ATP10B: variants seen among roughly 807,000 people sequenced by gnomAD.
The protein encoded by ATP10B is phospholipid-transporting ATPase VB.
Under a neutral mutation model 141.2 loss-of-function variants are expected in ATP10B, and 122 were observed. The ratio of observed to expected loss-of-function variants is 0.86; its 90% CI spans 0.75 to 1.00. The LOEUF is 1.00. Among genes scored for constraint, ATP10B ranks in the 50% least tolerant of loss-of-function variants. The probability of loss-of-function intolerance (pLI) is 0.00; values close to 1 mark genes in which losing one functional copy is unlikely to be tolerated. For synonymous variants in ATP10B, 685 were observed against 692.0 expected, an observed-to-expected ratio of 0.99 and a Z score of 0.16; for missense variants, 1,876 against 1,825.3, an observed-to-expected ratio of 1.03 and a Z score of -0.51.
At chr5:160,646,498 A>T (rs1336940015) in intron 8 of ATP10B, among the ~76,000 whole-genome samples, 1 of 152,180 alleles carries the variant, frequency 6.6e-6, no homozygotes, top group Non-Finnish European at 1.5e-5. Context: ...TAAATTTTGG[A>T]AAAAGTAAGG....
At chr5:160,812,051 AGAGAGAGAGG>A (rs1222917317) in intron 1 of ATP10B, among the ~76,000 whole-genome samples, 55 of 149,420 alleles carry the variant, frequency 3.7e-4, no homozygotes, top group African/African-American at 1.2e-3. Flanking sequence ...AGAGAGAGAG[AGAGAGAGAGG>A]GAGAGGGAGA....
At chr5:160,595,996 T>G (rs888497260) in intron 22 of ATP10B, among the ~76,000 whole-genome samples, 6 of 152,212 alleles carry the variant, frequency 3.9e-5, no homozygotes, top group African/African-American at 1.4e-4. Flanking sequence ...CTTCTGAAAC[T>G]ATTCCAATCA....
At chr5:160,717,486 G>T (rs1284462800) in intron 2 of ATP10B, among the ~76,000 whole-genome samples, 1 of 152,138 alleles carries the variant, frequency 6.6e-6, no homozygotes, top group Non-Finnish European at 1.5e-5. Flanking sequence ...CCTGCTAAAA[G>T]TTCAAGCCCT....
intron 1 of ATP10B, among the ~76,000 whole-genome samples, chr5:160,836,752 C>T (rs1775459859): frequency 6.6e-6 from 1 of 152,072 alleles, no homozygotes; most frequent in South Asian, 2.1e-4. Context: ...CCACATATTA[C>T]ACCCATGCAT....
intron 24 of ATP10B, among the ~76,000 whole-genome samples, chr5:160,572,382 C>A (rs1354438275): frequency 6.6e-6 from 1 of 152,124 alleles, no homozygotes. Flanking sequence ...GAAATAGATT[C>A]TCTTCCTGCT....
intron 1 of ATP10B, among the ~76,000 whole-genome samples, chr5:160,838,374 C>T (rs1435996984): frequency 1.3e-5 from 2 of 152,198 alleles, no homozygotes; most frequent in East Asian, 3.8e-4. Flanking sequence ...AAAACTTTCA[C>T]AGACAGGCCT....
chr5:160,803,845 A>T (rs2127935834), intron 1 of ATP10B, among the ~76,000 whole-genome samples: 1 of 152,180 alleles, frequency 6.6e-6, no homozygotes, highest in Middle Eastern at 3.4e-3. Flanking sequence ...TTTCCCCATG[A>T]TTTATATTTG....
At chr5:160,781,715 A>G (rs1770726370) in intron 2 of ATP10B, among the ~76,000 whole-genome samples, 3 of 152,224 alleles carry the variant, frequency 2.0e-5, no homozygotes, top group African/African-American at 7.2e-5. Flanking sequence ...AGAATTCAGT[A>G]TAAAGTCACA....
chr5:160,655,726 T>A (rs561165761), intron 7 of ATP10B, among the ~76,000 whole-genome samples: 1 of 152,162 alleles, frequency 6.6e-6, no homozygotes, highest in Non-Finnish European at 1.5e-5. Flanking sequence ...CAGTCCTAGA[T>A]CCCACATTGG....
chr5:160,672,433 G>C (rs11135109), intron 6 of ATP10B, among the ~76,000 whole-genome samples: 3 of 152,010 alleles, frequency 2.0e-5, no homozygotes, highest in Admixed American at 2.0e-4. Flanking sequence ...TGAAGACTTT[G>C]GGGTGTGCCA....
intron 2 of ATP10B, among the ~76,000 whole-genome samples, chr5:160,782,203 C>A (rs1016120995): frequency 6.6e-6 from 1 of 152,060 alleles, no homozygotes; most frequent in Non-Finnish European, 1.5e-5. Context: ...ATATATTAAA[C>A]ACTTGGTATA....
chr5:160,588,164 T>C (rs1296792145), intron 24 of ATP10B, among the ~76,000 whole-genome samples: 1 of 152,184 alleles, frequency 6.6e-6, no homozygotes, highest in Non-Finnish European at 1.5e-5. Context: ...TGGGGTTTTC[T>C]AAATATACAA....
At chr5:160,787,336 A>T (rs1771244034) in intron 1 of ATP10B, among the ~76,000 whole-genome samples, 1 of 152,030 alleles carries the variant, frequency 6.6e-6, no homozygotes, top group African/African-American at 2.4e-5. Context: ...GTATTTCCTG[A>T]TCTGTCCTCC....
Position 160,629,824 on chromosome 5 carries a change from A to G in ATP10B, c.1620+2305T>C, listed in dbSNP as rs146398086. Reference sequence around the variant, plus strand: ...GGGGTAGCTGAGATGAAAACCTGACACATTAGACTCCACGTGTGCCTAATT... The same window carrying G: ...GGGGTAGCTGAGATGAAAACCTGACGCATTAGACTCCACGTGTGCCTAATT... On this transcript the variant is annotated intron_variant, in intron 13 of 25. Coordinates refer to ENST00000327245, the MANE Select transcript of ATP10B (RefSeq NM_025153.3). Among the ~76,000 whole-genome samples, 50 of 152,346 alleles carry G rather than the reference A, an allele frequency of 3.3e-4. No homozygotes were observed. The East Asian group carries it at 8.5e-3, about 26-fold the overall frequency.
At chr5:160,654,687 A>G (rs1263739653) in intron 7 of ATP10B, among the ~76,000 whole-genome samples, 3 of 150,618 alleles carry the variant, frequency 2.0e-5, no homozygotes, top group Non-Finnish European at 2.9e-5. Context: ...TCAGATTCCA[A>G]AGTCATTGTC....
At chr5:160,797,747 A>G (rs1450661003) in intron 1 of ATP10B, among the ~76,000 whole-genome samples, 2 of 46,456 alleles carry the variant, frequency 4.3e-5, no homozygotes, top group East Asian at 2.5e-3. Context: ...ACAAACACAA[A>G]CACACAGAGA....
intron 1 of ATP10B, among the ~76,000 whole-genome samples, chr5:160,832,323 A>T (rs1581622487): frequency 6.6e-6 from 1 of 152,150 alleles, no homozygotes; most frequent in Middle Eastern, 3.2e-3. Context: ...CATCAGTAAG[A>T]AATTGCCTGG....
chr5:160,786,552 C>T (rs949912131), intron 1 of ATP10B, among the ~76,000 whole-genome samples: 4 of 152,112 alleles, frequency 2.6e-5, no homozygotes, highest in Admixed American at 6.6e-5. Flanking sequence ...TCCTATTCAA[C>T]GGCTCCCTCC....
chr5:160,597,443 T>C (rs1290231610), intron 22 of ATP10B, among the ~76,000 whole-genome samples: 1 of 152,150 alleles, frequency 6.6e-6, no homozygotes, highest in African/African-American at 2.4e-5. Flanking sequence ...ATAAAAACCC[T>C]AGAAGAAAAC....
Sources: allele counts gnomAD v4.1 joint callset (sites outside exome capture counted in the v4.1 genomes callset), GRCh38; gene constraint gnomAD v4.1.1; transcripts MANE v1.5; gene names NCBI Gene and HGNC (gene_info 2026-07-23, HGNC 2026-07-21).